The following RHOT1 variants were observed in gnomAD, a reference collection of about 807,000 sequenced individuals.
RHOT1 encodes the protein ras homolog family member T1.
Under a neutral mutation model 95.3 loss-of-function variants are expected in RHOT1, and 27 were observed. That is an observed-to-expected ratio of 0.28 (90% CI 0.21 to 0.39). The LOEUF (loss-of-function observed/expected upper bound fraction) is 0.39. RHOT1 is among the 10% of genes least tolerant of loss of function. RHOT1 has a pLI of 1.00. For missense variants in RHOT1, 578 were observed against 786.7 expected (o/e 0.73, Z 3.17); for synonymous variants, 227 against 263.5 (o/e 0.86, Z 1.34).
chr17:32,166,807 A>G (rs2034126296), intron 1 of RHOT1, among the ~76,000 whole-genome samples: 2 of 152,172 alleles, frequency 1.3e-5, no homozygotes, highest in Admixed American at 6.5e-5. Flanking sequence ...CATATCTGCA[A>G]TTCCTTCATT....
rs533247163 is a variant in RHOT1 at position 32,200,867 on chromosome 17, T to C, written c.1101-89T>C. ...CTAGACAAAAATTATCTAGGTCTGG[T>C]GCATAAAGTTTTTTTAGCTATTGGC... is the stretch of plus-strand genomic sequence containing the variant. On this transcript the variant is annotated intron_variant, in intron 13 of 19. Coordinates refer to ENST00000545287, the MANE Select transcript of RHOT1 (RefSeq NM_001033566.3). 3.2e-5 allele frequency: 27 copies of C among 847,562 alleles called. No individual in the cohort carries two copies. In the African/African-American group the frequency reaches 4.6e-4, roughly 14 times the overall value. The allele number at this position is 847,562 out of a possible 1,614,324, so 52.5% of individuals were successfully genotyped here.
At chr17:32,167,458 CT>C (rs1249781644) in intron 1 of RHOT1, among the ~76,000 whole-genome samples, 6 of 152,116 alleles carry the variant, frequency 3.9e-5, no homozygotes, top group African/African-American at 1.4e-4. Context: ...TCCCGAGTAG[CT>C]GGGACTACAG....
intron 11 of RHOT1, among the ~76,000 whole-genome samples, chr17:32,194,667 C>A (rs1325505284): frequency 6.6e-6 from 1 of 152,066 alleles, no homozygotes; most frequent in East Asian, 1.9e-4. Context: ...AAATAAGATG[C>A]TAGACAACAA....
chr17:32,191,185 C>T (rs2036465547), intron 8 of RHOT1, among the ~76,000 whole-genome samples: 1 of 152,158 alleles, frequency 6.6e-6, no homozygotes. Flanking sequence ...TCAAATTACT[C>T]TCCCAGAGAC....
At chr17:32,166,738 A>AATTT (rs1487097910) in intron 1 of RHOT1, among the ~76,000 whole-genome samples, 2 of 152,216 alleles carry the variant, frequency 1.3e-5, no homozygotes, top group Non-Finnish European at 2.9e-5. Flanking sequence ...AGATTGCAGC[A>AATTT]ATTTAGTCAC....
chr17:32,224,750 G>A lies in RHOT1; in HGVS notation c.*17G>A, dbSNP rs1362312997. On this transcript the variant is annotated 3_prime_UTR_variant, in exon 20 of 20. Coordinates refer to ENST00000545287, the MANE Select transcript of RHOT1 (RefSeq NM_001033566.3). ...CAGCGATGATATAAAAAGAAATACT[G>A]TCCCTACCAAAAACAAATACTTTTA... 1.4e-6 allele frequency: 2 copies of A among 1,467,268 alleles called. No individual in the cohort carries two copies. Among genetic ancestry groups the A allele is most frequent in the Non-Finnish European group, 1.9e-6 (2 of 1,052,736 alleles). 90.9% of individuals were successfully genotyped at this position (1,467,268 alleles called of 1,614,324 possible).
intron 1 of RHOT1, among the ~76,000 whole-genome samples, chr17:32,148,213 C>T (rs1347377835): frequency 2.0e-5 from 3 of 151,974 alleles, no homozygotes; most frequent in Non-Finnish European, 4.4e-5. Context: ...TGCAGTGAGC[C>T]GAAATCATGC....
chr17:32,162,231 G>A (rs35575367), intron 1 of RHOT1, among the ~76,000 whole-genome samples: 11 of 151,970 alleles, frequency 7.2e-5, no homozygotes, highest in African/African-American at 2.4e-4. Context: ...TCCTCCCCAC[G>A]TGAGTCACCT....
In RHOT1 at chr17:32,224,683, T is replaced by C; in HGVS notation, c.1930T>C (p.Phe644Leu). 6.2e-7 allele frequency: 1 copy of C among 1,613,716 alleles called. No individual in the cohort carries two copies. The highest frequency in any genetic ancestry group is 8.5e-7 in the Non-Finnish European group (1 of 1,179,740). The change falls in exon 20 of 20, where the codon TTT becomes CTT. Residue 644 changes from phenylalanine (F) to leucine (L), a missense_variant. Phe to Leu is a conservative substitution (Grantham distance 22, BLOSUM62 0). Transcript: ENST00000545287. ...TCGAGCAAGTTTTGGTGCTACTGTT[T>C]TTGCAGTTTTGGGCTTTGCTATGTA... ...WLRASFGATV[F>L]AVLGFAMYKA...
At chr17:32,150,647 T>A (rs2032166764) in intron 1 of RHOT1, 1 of 1,593,834 alleles carries the variant, frequency 6.3e-7, no homozygotes, top group Non-Finnish European at 8.6e-7. Flanking sequence ...AAAGAAGAGC[T>A]GGATATCTCA....
chr17:32,210,988 C>G, intron 18 of RHOT1, 128 bp from the exon 19 acceptor site: 1 of 830,040 alleles, frequency 1.2e-6, no homozygotes, highest in South Asian at 2.9e-5. Context: ...ATGCCCCATA[C>G]TGTCCTTTTC....
chr17:32,203,949 A>G lies in RHOT1; in HGVS notation c.1392A>G (p.Val464=), dbSNP rs746582066. 5.6e-6 allele frequency: 9 copies of G among 1,610,546 alleles called. No individual in the cohort carries two copies. The highest frequency in any genetic ancestry group is 7.6e-6 in the Non-Finnish European group (9 of 1,177,918). ...ACTATGCGATTAACACTGTTTATGT[A>G]TATGGACAAGAGAAATACTTGTTGG... ...KSYYAINTVY[V]YGQEKYLLLH... The change falls in exon 16 of 20, where the codon GTA becomes GTG. Residue 464 remains valine (V), a synonymous_variant. Transcript: ENST00000545287.
At chr17:32,162,652 G>A (rs974999643) in intron 1 of RHOT1, among the ~76,000 whole-genome samples, 4 of 152,268 alleles carry the variant, frequency 2.6e-5, no homozygotes, top group Admixed American at 2.6e-4. Context: ...CAGTCTGGTT[G>A]ATGTGCTAGA....
chr17:32,198,944 C>T lies in RHOT1; in HGVS notation c.870-3C>T. On this transcript the variant is annotated splice_region_variant and splice_polypyrimidine_tract_variant and intron_variant, in intron 11 of 19. Coordinates refer to ENST00000545287, the MANE Select transcript of RHOT1 (RefSeq NM_001033566.3). The stretch of plus-strand genomic sequence containing the variant: ...TTATTTTACTCTTGAATTTTTTCAA[C>T]AGGCTGAAAATACCTCCTGATTGCA... 5.1e-6 allele frequency: 8 copies of T among 1,581,380 alleles called. No individual in the cohort carries two copies. Among genetic ancestry groups the T allele is most frequent in the Non-Finnish European group, 6.9e-6 (8 of 1,159,314 alleles).
intron 4 of RHOT1, 84 bp from the exon 5 acceptor site, chr17:32,175,878 G>C: frequency 1.1e-6 from 1 of 872,922 alleles, no homozygotes; most frequent in Middle Eastern, 3.7e-4. Context: ...CCTTTCACCC[G>C]AATATATTAA....
chr17:32,221,682 A>T (rs1409236461), intron 19 of RHOT1, among the ~76,000 whole-genome samples: 1 of 152,250 alleles, frequency 6.6e-6, no homozygotes, highest in Admixed American at 6.5e-5. Flanking sequence ...TGATGGAGCC[A>T]TCGAAATATA....
chr17:32,178,698 A>T lies in RHOT1; in HGVS notation c.329+2485A>T, dbSNP rs962152596. Among the ~76,000 whole-genome samples, 3 of 138,490 alleles carry T rather than the reference A, an allele frequency of 2.2e-5. No individual in the cohort carries two copies. In the East Asian group the frequency reaches 6.5e-4, roughly 30 times the overall value. The allele number at this position is 138,490 out of a possible 152,430, so 90.9% of individuals were successfully genotyped here. On this transcript the variant is annotated intron_variant, in intron 6 of 19. Coordinates refer to ENST00000545287, the MANE Select transcript of RHOT1 (RefSeq NM_001033566.3). ...CCTCTGCCCGGCTGCCCCGAATGGG[A>T]TGTGAGGAGCGCCTCTGCCCAGCCG...
chr17:32,150,599 G>C, intron 1 of RHOT1: 1 of 1,586,882 alleles, frequency 6.3e-7, no homozygotes. Context: ...CCTCCTACCT[G>C]GTACTTTGTG....
chr17:32,224,176 T>A (rs2039004357), intron 19 of RHOT1, among the ~76,000 whole-genome samples: 1 of 152,222 alleles, frequency 6.6e-6, no homozygotes, highest in Non-Finnish European at 1.5e-5. Context: ...TTGTCACTTG[T>A]CACTTAACTG....
Sources: gnomAD v4.1 joint callset for allele counts (sites outside exome capture counted in the v4.1 genomes callset) on GRCh38, gnomAD v4.1.1 for gene constraint, MANE v1.5 for transcripts, NCBI Gene and HGNC (gene_info 2026-07-23, HGNC 2026-07-21) for gene names.